HNRNPC: variants seen among roughly 807,000 people sequenced by gnomAD.
The protein encoded by HNRNPC is heterogeneous nuclear ribonucleoproteins C1/C2.
Under a neutral mutation model 33.2 loss-of-function variants are expected in HNRNPC, and 3 were observed. That is an observed-to-expected ratio of 0.09 (90% CI 0.04 to 0.23). HNRNPC has a LOEUF of 0.23. Ranked by LOEUF, HNRNPC falls within the 10% of genes least tolerant of loss-of-function variation. HNRNPC has a pLI of 1.00. For missense variants in HNRNPC, 143 were observed against 366.7 expected (o/e 0.39, Z 4.98); for synonymous variants, 121 against 126.7 (o/e 0.96, Z 0.30).
At chr14:21,239,566 G>T (rs1895116941) in intron 2 of HNRNPC, among the ~76,000 whole-genome samples, 1 of 151,762 alleles carries the variant, frequency 6.6e-6, no homozygotes, top group African/African-American at 2.4e-5. Context: ...GTCATGAAAA[G>T]GATAGACTTT....
intron 3 of HNRNPC, 54 bp downstream of exon 3, chr14:21,233,899 G>T (rs758801718): frequency 5.7e-6 from 9 of 1,572,194 alleles, no homozygotes; most frequent in Non-Finnish European, 6.9e-6. Flanking sequence ...AAAAAAAAAC[G>T]TGAATAGAAA....
chr14:21,243,967 CCT>C (rs35112676), intron 2 of HNRNPC, among the ~76,000 whole-genome samples: 24,193 of 151,784 alleles, frequency 0.16, 2,194 homozygotes, highest in Admixed American at 0.24. Flanking sequence ...ATGGTGGTTA[CCT>C]CTGAGTGCTG....
chr14:21,249,980 T>C (rs142260590), intron 2 of HNRNPC, among the ~76,000 whole-genome samples: 4 of 152,238 alleles, frequency 2.6e-5, no homozygotes, highest in East Asian at 1.9e-4. Flanking sequence ...GAATATGCAA[T>C]ATGCAAAAAT....
At chr14:21,237,775 T>C in intron 2 of HNRNPC, among the ~76,000 whole-genome samples, 1 of 152,266 alleles carries the variant, frequency 6.6e-6, no homozygotes, top group South Asian at 2.1e-4. Context: ...GATCACATTT[T>C]TTTTTTAATT....
At chr14:21,228,657 GCTGA>G (rs1877775496) in intron 5 of HNRNPC, among the ~76,000 whole-genome samples, 1 of 152,002 alleles carries the variant, frequency 6.6e-6, no homozygotes, top group Non-Finnish European at 1.5e-5. Flanking sequence ...CTCACAAAGT[GCTGA>G]GATTACAGGT....
At chr14:21,226,848 C>G (rs1373221112) in intron 5 of HNRNPC, among the ~76,000 whole-genome samples, 1 of 131,344 alleles carries the variant, frequency 7.6e-6, no homozygotes, top group Non-Finnish European at 1.5e-5. Flanking sequence ...CCACTGCACT[C>G]CAGCCTGAGT....
At chr14:21,249,593 C>CAAAAAA (rs756880620) in intron 2 of HNRNPC, among the ~76,000 whole-genome samples, 1,313 of 81,022 alleles carry the variant, frequency 0.016, 1 homozygote, top group East Asian at 0.049. Context: ...GTCTCAAAAA[C>CAAAAAA]AAAAAAAAAA....
At position 21,219,446 on chromosome 14, in the gene HNRNPC, C is replaced by G. The variant is rs567202966; in HGVS notation, c.366-6329G>C. ...ACTTGAAATCTGTGTAAGATTTCTG[C>G]CTTTAACAGTACCTACCTTTGTCAA... On this transcript the variant is annotated intron_variant, in intron 5 of 8. Coordinates refer to ENST00000553300, the MANE Select transcript of HNRNPC (RefSeq NM_004500.4). 3.3e-3 allele frequency among the ~76,000 whole-genome samples: 504 copies of G among 152,268 alleles called. 1 individual carries two copies. The highest frequency in any genetic ancestry group is 0.012 in the African/African-American group (481 of 41,534).
chr14:21,251,886 G>A (rs773767030), intron 2 of HNRNPC, among the ~76,000 whole-genome samples: 2 of 152,066 alleles, frequency 1.3e-5, no homozygotes, highest in African/African-American at 2.4e-5. Context: ...GAGTCTTGGT[G>A]TCAAATGCAA....
rs1891822454 is a variant in HNRNPC at position 21,213,323 on chromosome 14, T to C, written c.366-206A>G. 4 of 539,514 alleles carry C rather than the reference T, an allele frequency of 7.4e-6. No homozygotes were observed. In the Admixed American group the frequency reaches 1.0e-4, roughly 14 times the overall value. The allele number at this position is 539,514 out of a possible 1,614,324, so 33.4% of individuals were successfully genotyped here. ...TTTACCTAGGCACATAAAATAGTTG[T>C]AATACTGTAGCAACTTTTCCTCAGG... On this transcript the variant is annotated intron_variant, in intron 5 of 8. Transcript: ENST00000553300.
chr14:21,234,211 T>G lies in HNRNPC; in HGVS notation c.-18A>C. 6.2e-7 allele frequency: 1 copy of G among 1,610,982 alleles called. No individual in the cohort carries two copies. Among genetic ancestry groups the G allele is most frequent in the Non-Finnish European group, 8.5e-7 (1 of 1,178,114 alleles). ...CTGGCCATCGTGTTTGATGGTAAGGTTTCTCACAAAGCCGAAAACTGTAAA... is the reference window on the plus strand; with the variant it reads ...CTGGCCATCGTGTTTGATGGTAAGGGTTCTCACAAAGCCGAAAACTGTAAA... On this transcript the variant is annotated 5_prime_UTR_variant, in exon 3 of 9. Transcript: ENST00000553300.
At chr14:21,248,100 A>G (rs1417220734) in intron 2 of HNRNPC, among the ~76,000 whole-genome samples, 1 of 152,162 alleles carries the variant, frequency 6.6e-6, no homozygotes, top group Admixed American at 6.5e-5. Context: ...AAACTTTTGG[A>G]GGCTGAGGTG....
chr14:21,268,981 G>T (rs1005447955), intron 1 of HNRNPC, among the ~76,000 whole-genome samples: 1 of 151,948 alleles, frequency 6.6e-6, no homozygotes, highest in African/African-American at 2.4e-5. Context: ...CTATATTAAT[G>T]AGCATCACGA....
intron 2 of HNRNPC, among the ~76,000 whole-genome samples, chr14:21,238,585 T>C (rs970323395): frequency 3.3e-5 from 5 of 152,198 alleles, no homozygotes; most frequent in Non-Finnish European, 7.3e-5. Context: ...GTAGAAATTT[T>C]AAAAGGTTAA....
At chr14:21,220,401 G>C (rs1410010351) in intron 5 of HNRNPC, among the ~76,000 whole-genome samples, 1 of 151,970 alleles carries the variant, frequency 6.6e-6, no homozygotes, top group Non-Finnish European at 1.5e-5. Context: ...CTAATTTTTT[G>C]TATTTTTGGT....
At chr14:21,215,560 A>G (rs1050432039) in intron 5 of HNRNPC, among the ~76,000 whole-genome samples, 1 of 152,218 alleles carries the variant, frequency 6.6e-6, no homozygotes, top group Non-Finnish European at 1.5e-5. Flanking sequence ...TAGTCAGATT[A>G]AGAAATTAAA....
chr14:21,226,707 C>T (rs1003084079), intron 5 of HNRNPC, among the ~76,000 whole-genome samples: 1 of 151,938 alleles, frequency 6.6e-6, no homozygotes, highest in African/African-American at 2.4e-5. Flanking sequence ...TGGACAAACA[C>T]TGTCTCTACT....
At chr14:21,245,396 G>C (rs149246185) in intron 2 of HNRNPC, among the ~76,000 whole-genome samples, 2 of 151,822 alleles carry the variant, frequency 1.3e-5, no homozygotes, top group African/African-American at 2.4e-5. Context: ...CTCGCGAGGC[G>C]GAGGCAGGAG....
chr14:21,249,451 G>A (rs1896366324), intron 2 of HNRNPC, among the ~76,000 whole-genome samples: 2 of 151,644 alleles, frequency 1.3e-5, no homozygotes, highest in Admixed American at 6.6e-5. Flanking sequence ...GCCAGGTGTG[G>A]TGGCACGTGC....
Sources: gnomAD v4.1 joint callset for allele counts (sites outside exome capture counted in the v4.1 genomes callset) on GRCh38, gnomAD v4.1.1 for gene constraint, MANE v1.5 for transcripts, NCBI Gene and HGNC (gene_info 2026-07-23, HGNC 2026-07-21) for gene names.